The following RBFOX1 variants were observed in gnomAD, a reference collection of about 807,000 sequenced individuals.
RBFOX1 encodes the protein RNA binding fox-1 homolog 1.
In RBFOX1, 8 loss-of-function variants were observed where a neutral mutation model predicts 57.7. That is an observed-to-expected ratio of 0.14 (90% CI 0.08 to 0.25). The LOEUF (loss-of-function observed/expected upper bound fraction) is 0.25, where lower values mean the gene tolerates loss of function less well. RBFOX1 is among the 10% of genes least tolerant of loss of function. The probability of loss-of-function intolerance (pLI) is 1.00; values close to 1 mark genes in which losing one functional copy is unlikely to be tolerated. For synonymous variants in RBFOX1, 326 were observed against 222.4 expected (o/e 1.47, Z -4.15); for missense variants, 611 against 548.5 (o/e 1.11, Z -1.14).
intron 6 of RBFOX1, among the ~76,000 whole-genome samples, chr16:7,582,058 C>G (rs1452763584): frequency 6.9e-6 from 1 of 145,632 alleles, no homozygotes; most frequent in East Asian, 2.3e-4. Flanking sequence ...GTGACAAAGT[C>G]TTAGTCTGTC....
At position 7,640,910 on chromosome 16, in the gene RBFOX1, A is replaced by AAG. The variant is rs1394165748; in HGVS notation, c.757+10228_757+10229insGA. On this transcript the variant is annotated intron_variant, in intron 11 of 15. Transcript: ENST00000550418. ...AACTAATGTGGATTTACATTAAAAA[A>AAG]AAAAAAAGGAATCCATTTTACATTC... Among the ~76,000 whole-genome samples the AAG allele has an allele frequency of 8.6e-5, 13 of 151,726 alleles. No individual in the cohort carries two copies. The East Asian group carries it at 2.3e-3, about 27-fold the overall frequency.
chr16:6,767,531 C>T lies in RBFOX1; in HGVS notation c.-16+112881C>T, dbSNP rs1468356488. On this transcript the variant is annotated intron_variant, in intron 3 of 15. Transcript: ENST00000550418. ...GCCAGTGTTTTAATTTAAAACCTCACCCCCAAAAAAATTCTGATGAATACA... is the reference window on the plus strand; with the variant it reads ...GCCAGTGTTTTAATTTAAAACCTCATCCCCAAAAAAATTCTGATGAATACA... Among the ~76,000 whole-genome samples the T allele has an allele frequency of 3.3e-5, 5 of 152,020 alleles. No individual in the cohort carries two copies. The East Asian group carries it at 7.7e-4, about 23-fold the overall frequency.
intron 2 of RBFOX1, among the ~76,000 whole-genome samples, chr16:6,541,867 T>A (rs1222731734): frequency 6.6e-6 from 1 of 152,156 alleles, no homozygotes; most frequent in African/African-American, 2.4e-5. Flanking sequence ...TCTGAACAGA[T>A]TAACCCAAAG....
intron 3 of RBFOX1, among the ~76,000 whole-genome samples, chr16:5,693,763 T>C (rs188326184): frequency 3.7e-4 from 57 of 152,298 alleles, no homozygotes; most frequent in African/African-American, 1.3e-3. Context: ...ATGATTCTTT[T>C]TGCGTGGAAT....
chr16:5,360,829 C>A (rs546999993), intron 1 of RBFOX1, among the ~76,000 whole-genome samples: 22 of 152,288 alleles, frequency 1.4e-4, no homozygotes, highest in Non-Finnish European at 2.5e-4. Context: ...TTGCCTCTTT[C>A]CTGCCCAGTT....
In RBFOX1 at chr16:7,710,940, T is replaced by TTTAATTTCTGAAGGTTCCGTAG. The variant is rs1408519846; in HGVS notation, c.*198_*219dup. 3 of 654,714 alleles carry TTTAATTTCTGAAGGTTCCGTAG rather than the reference T, an allele frequency of 4.6e-6. No homozygotes were observed. Among genetic ancestry groups the TTTAATTTCTGAAGGTTCCGTAG allele is most frequent in the Non-Finnish European group, 6.6e-6 (3 of 451,214 alleles). The allele number at this position is 654,714 out of a possible 1,614,324, so 40.6% of individuals were successfully genotyped here. A position where few individuals can be genotyped will look rare whatever the true frequency, so the allele number is the denominator to read the frequency against. On this transcript the variant is annotated 3_prime_UTR_variant, in exon 16 of 16. Coordinates refer to ENST00000550418, the MANE Select transcript of RBFOX1 (RefSeq NM_018723.4). ...TCTGTGTATTTTAATATTGTGGGTC[T>TTTAATTTCTGAAGGTTCCGTAG]TTAATTTCTGAAGGTTCCGTAGTTT... is the stretch of plus-strand genomic sequence containing the variant.
chr16:5,944,232 G>A (rs1485809022), intron 4 of RBFOX1, among the ~76,000 whole-genome samples: 1 of 152,164 alleles, frequency 6.6e-6, no homozygotes, highest in East Asian at 1.9e-4. Flanking sequence ...CGAGATACAT[G>A]GGCTACACTC....
intron 2 of RBFOX1, among the ~76,000 whole-genome samples, chr16:6,542,717 C>A (rs190037557): frequency 1.3e-4 from 20 of 151,932 alleles, no homozygotes; most frequent in Admixed American, 1.3e-3. Flanking sequence ...TGGTGTTGAT[C>A]TCCTGACCTC....
chr16:7,072,010 CA>C (rs1292189973), intron 4 of RBFOX1, among the ~76,000 whole-genome samples: 38 of 152,188 alleles, frequency 2.5e-4, no homozygotes, highest in Non-Finnish European at 1.0e-4. Context: ...TTCACTCTCG[CA>C]AACCTACTCG....
At chr16:7,203,640 T>C (rs947185147) in intron 4 of RBFOX1, among the ~76,000 whole-genome samples, 1 of 152,348 alleles carries the variant, frequency 6.6e-6, no homozygotes, top group Admixed American at 6.5e-5. Context: ...TTGTCCATGC[T>C]TCTCACAGCT....
chr16:7,389,693 G>T (rs1457460180), intron 4 of RBFOX1, among the ~76,000 whole-genome samples: 2 of 152,148 alleles, frequency 1.3e-5, no homozygotes, highest in Non-Finnish European at 2.9e-5. Flanking sequence ...GGAGTTTACA[G>T]TATGTACAAC....
intron 3 of RBFOX1, among the ~76,000 whole-genome samples, chr16:6,846,108 G>C (rs1046235731): frequency 6.6e-6 from 1 of 151,910 alleles, no homozygotes; most frequent in East Asian, 1.9e-4. Context: ...TATAGGTATA[G>C]TCTTTGTTTT....
intron 2 of RBFOX1, among the ~76,000 whole-genome samples, chr16:5,488,719 G>C (rs943561196): frequency 6.6e-6 from 1 of 151,180 alleles, no homozygotes; most frequent in African/African-American, 2.4e-5. Context: ...TGGTGCTGGT[G>C]GGGTGCGATG....
At chr16:6,367,852 C>A (rs1028277500) in intron 2 of RBFOX1, among the ~76,000 whole-genome samples, 1 of 152,102 alleles carries the variant, frequency 6.6e-6, no homozygotes, top group Non-Finnish European at 1.5e-5. Context: ...CCTATCTTCC[C>A]CCAGTTAATG....
At chr16:6,565,689 C>A (rs964277897) in intron 2 of RBFOX1, among the ~76,000 whole-genome samples, 6 of 152,094 alleles carry the variant, frequency 3.9e-5, no homozygotes, top group Non-Finnish European at 5.9e-5. Flanking sequence ...AGGATGGTCT[C>A]GATCTCCTGA....
intron 1 of RBFOX1, among the ~76,000 whole-genome samples, chr16:6,243,637 G>A (rs979220867): frequency 9.2e-5 from 14 of 152,198 alleles, no homozygotes; most frequent in African/African-American, 1.7e-4. Context: ...CCTGTGGCCC[G>A]TAACCCGGGC....
chr16:6,042,661 C>T (rs2095450661), intron 1 of RBFOX1, among the ~76,000 whole-genome samples: 1 of 152,058 alleles, frequency 6.6e-6, no homozygotes, highest in Non-Finnish European at 1.5e-5. Flanking sequence ...GCCTGGGAAA[C>T]AGTCTCTGGT....
At chr16:6,606,867 A>G (rs529368412) in intron 2 of RBFOX1, among the ~76,000 whole-genome samples, 3 of 152,284 alleles carry the variant, frequency 2.0e-5, no homozygotes, top group African/African-American at 7.2e-5. Flanking sequence ...CTTTGGGTAT[A>G]TACCCAGTAA....
At chr16:6,402,406 A>T (rs1319677618) in intron 2 of RBFOX1, among the ~76,000 whole-genome samples, 1 of 152,246 alleles carries the variant, frequency 6.6e-6, no homozygotes, top group Non-Finnish European at 1.5e-5. Flanking sequence ...AAAATGAACA[A>T]ACACATTTGC....
Sources: gnomAD v4.1 joint callset for allele counts (sites outside exome capture counted in the v4.1 genomes callset) on GRCh38, gnomAD v4.1.1 for gene constraint, MANE v1.5 for transcripts, NCBI Gene and HGNC (gene_info 2026-07-23, HGNC 2026-07-21) for gene names.